Variants in SLC43A1 observed in about 807,000 individuals in gnomAD.
SLC43A1 encodes solute carrier family 43 member 1, also known as large neutral amino acids transporter small subunit 3.
Under a neutral mutation model 59.5 loss-of-function variants are expected in SLC43A1, and 31 were observed. The ratio of observed to expected loss-of-function variants is 0.52; its 90% CI spans 0.39 to 0.70. The LOEUF (loss-of-function observed/expected upper bound fraction) is 0.70, where lower values mean the gene tolerates loss of function less well. Ranked by LOEUF, SLC43A1 falls within the 30% of genes least tolerant of loss-of-function variation. SLC43A1 has a pLI of 0.00. For synonymous variants in SLC43A1, 259 were observed against 290.9 expected (o/e 0.89, Z 1.12); for missense variants, 598 against 717.8 (o/e 0.83, Z 1.91).
chr11:57,506,984 C>T (rs1944409247), intron 2 of SLC43A1, among the ~76,000 whole-genome samples: 1 of 152,200 alleles, frequency 6.6e-6, no homozygotes, highest in Non-Finnish European at 1.5e-5. Context: ...ATAGGTAGGT[C>T]AGAGGATGTG....
chr11:57,500,714 C>T (rs1944237368), intron 5 of SLC43A1, 65 bp downstream of exon 5: 3 of 1,435,040 alleles, frequency 2.1e-6, no homozygotes, highest in Non-Finnish European at 2.9e-6. Context: ...TGCCCTCACC[C>T]CACTCACTCT....
chr11:57,491,995 G>C, intron 8 of SLC43A1, 133 bp from the exon 9 acceptor site: 1 of 881,624 alleles, frequency 1.1e-6, no homozygotes. Flanking sequence ...CTTCAAAGAC[G>C]GGAAAGTTCA....
Position 57,494,179 on chromosome 11 carries a change from C to T in SLC43A1, c.693-8G>A, listed in dbSNP as rs772981420. The T allele has an allele frequency of 1.9e-6, 3 of 1,606,694 alleles. No homozygotes were observed. The highest frequency in any genetic ancestry group is 2.2e-5 in the South Asian group (2 of 90,022). ...CTCAGCTTGATCTTCTTCCTGCAGG[C>T]AGCCAGGCCAGAGTGTAGAGGAACC... On this transcript the variant is annotated splice_region_variant and splice_polypyrimidine_tract_variant and intron_variant, in intron 7 of 14. Transcript: ENST00000278426.
chr11:57,489,123 G>A, intron 12 of SLC43A1, 128 bp downstream of exon 12: 8 of 1,444,688 alleles, frequency 5.5e-6, no homozygotes, highest in Non-Finnish European at 7.7e-6. Context: ...AACACTTCCT[G>A]GAGAACCCGG....
chr11:57,504,192 G>A (rs1002039184), intron 2 of SLC43A1, among the ~76,000 whole-genome samples: 7 of 152,072 alleles, frequency 4.6e-5, no homozygotes, highest in African/African-American at 7.2e-5. Flanking sequence ...GCAAGACTCC[G>A]TCTCAAAAAA....
Position 57,500,778 on chromosome 11 carries a change from C to A in SLC43A1, c.465+1G>T. The A allele has an allele frequency of 6.2e-7, 1 of 1,614,100 alleles. No homozygotes were observed. The highest frequency in any genetic ancestry group is 8.5e-7 in the Non-Finnish European group (1 of 1,179,928). On this transcript the variant is annotated splice_donor_variant, in intron 5 of 14. Transcript: ENST00000278426. LOFTEE classifies it high-confidence loss of function. ...TGCCAGGCCAGGCCTGTGACACTCA[C>A]CGTGAGTGAAGTGAACGTTAGGCAG...
intron 5 of SLC43A1, among the ~76,000 whole-genome samples, chr11:57,500,268 A>C (rs1050483365): frequency 2.6e-5 from 4 of 152,198 alleles, no homozygotes; most frequent in African/African-American, 9.7e-5. Context: ...CATGGCTTTC[A>C]CAGGGACGGG....
In SLC43A1 at chr11:57,497,812, A is replaced by ACGT; in HGVS notation, c.496_498dup (p.Thr166dup). On this transcript the variant is annotated inframe_insertion, in exon 6 of 15. Coordinates refer to ENST00000278426, the MANE Select transcript of SLC43A1 (RefSeq NM_003627.6). ...TAAGAGCCAATCATGAGGGCCATTAACGTGGAGCGCAGGTTCCCAAACATG... is the reference window on the plus strand; with the variant it reads ...TAAGAGCCAATCATGAGGGCCATTAACGTCGTGGAGCGCAGGTTCCCAAACATG... 6.2e-7 allele frequency: 1 copy of ACGT among 1,613,756 alleles called. No homozygotes were observed. Among genetic ancestry groups the ACGT allele is most frequent in the Non-Finnish European group, 8.5e-7 (1 of 1,179,936 alleles).
chr11:57,509,701 G>A (rs1386730148), intron 2 of SLC43A1, among the ~76,000 whole-genome samples: 3 of 127,752 alleles, frequency 2.3e-5, no homozygotes, highest in Admixed American at 1.5e-4. Flanking sequence ...AGGGAGGGAG[G>A]GAGAGAGGGA....
At chr11:57,500,657 G>T in intron 5 of SLC43A1, 122 bp downstream of exon 5, 1 of 810,880 alleles carries the variant, frequency 1.2e-6, no homozygotes, top group Non-Finnish European at 2.1e-6. Flanking sequence ...ACACTCACTT[G>T]ATCTAGTGAT....
Position 57,492,260 on chromosome 11 carries a change from A to T in SLC43A1, c.872-398T>A, listed in dbSNP as rs1943929728. Among the ~76,000 whole-genome samples, 2 of 141,932 alleles carry T rather than the reference A, an allele frequency of 1.4e-5. 1 individual carries two copies. Among genetic ancestry groups the T allele is most frequent in the South Asian group, 4.3e-4 (2 of 4,654 alleles). The allele number at this position is 141,932 out of a possible 152,430, so 93.1% of individuals were successfully genotyped here. A position where few individuals can be genotyped will look rare whatever the true frequency, so the allele number is the denominator to read the frequency against. On this transcript the variant is annotated intron_variant, in intron 8 of 14. Transcript: ENST00000278426. ...ATATACAGAAATTATATATATATTT[A>T]TATATATAAATATACATATATATAA... is the stretch of plus-strand genomic sequence containing the variant.
intron 10 of SLC43A1, 79 bp from the exon 11 acceptor site, chr11:57,491,441 G>A: frequency 6.4e-7 from 1 of 1,556,782 alleles, no homozygotes. Flanking sequence ...GGAGGCCAGA[G>A]AGCACCAAAA....
intron 2 of SLC43A1, among the ~76,000 whole-genome samples, chr11:57,511,911 A>T (rs2135229909): frequency 6.6e-6 from 1 of 152,220 alleles, no homozygotes; most frequent in South Asian, 2.1e-4. Context: ...TTGGGGGCAG[A>T]GGTGGGGGTG....
chr11:57,486,623 C>T (rs1943736360), intron 14 of SLC43A1, among the ~76,000 whole-genome samples: 1 of 150,504 alleles, frequency 6.6e-6, no homozygotes. Flanking sequence ...CATGGTGAAA[C>T]CCCGTCTCTA....
intron 2 of SLC43A1, among the ~76,000 whole-genome samples, chr11:57,511,144 C>T (rs1443684862): frequency 1.3e-5 from 2 of 152,096 alleles, no homozygotes; most frequent in African/African-American, 4.8e-5. Flanking sequence ...TTTACAAGGG[C>T]TAGGCGGGGT....
At position 57,491,394 on chromosome 11, in the gene SLC43A1, G is replaced by T. The variant is rs765099626; in HGVS notation, c.1055-32C>A. ...AGGATGGGAAGGGCAGTGGGGTCAG[G>T]AACTGGCACTCAGTGGACACTATCA... On this transcript the variant is annotated intron_variant, in intron 10 of 14. Transcript: ENST00000278426. 3.0e-5 allele frequency: 47 copies of T among 1,570,204 alleles called. No individual in the cohort carries two copies. The South Asian group carries it at 5.6e-4, about 19-fold the overall frequency.
chr11:57,509,628 AG>A (rs1944477277), intron 2 of SLC43A1, among the ~76,000 whole-genome samples: 1 of 130,712 alleles, frequency 7.7e-6, no homozygotes, highest in African/African-American at 2.8e-5. Context: ...GAAGGAAGGA[AG>A]GAAGGAAGGA....
chr11:57,498,107 C>A (rs544985602), intron 5 of SLC43A1, among the ~76,000 whole-genome samples: 2 of 152,126 alleles, frequency 1.3e-5, no homozygotes, highest in African/African-American at 4.8e-5. Context: ...AAGTTTGTTA[C>A]GTAACACCTC....
Position 57,500,830 on chromosome 11 carries a change from C to T in SLC43A1, c.414G>A (p.Ala138=), listed in dbSNP as rs200050398. ...TGCCACCAAAGCCATTCAGGGACAGCGCCAGGAATATCAACGGAGACAGAG... is the reference window on the plus strand; with the variant it reads ...TGCCACCAAAGCCATTCAGGGACAGTGCCAGGAATATCAACGGAGACAGAG... ...VEALSPLIFL[A]LSLNGFGGIC... Residue 138 remains alanine (A), a synonymous_variant, in exon 5 of 15, where the codon GCG becomes GCA. Coordinates refer to ENST00000278426, the MANE Select transcript of SLC43A1 (RefSeq NM_003627.6). The T allele has an allele frequency of 4.0e-5, 64 of 1,614,042 alleles. No individual in the cohort carries two copies. Among genetic ancestry groups the T allele is most frequent in the Non-Finnish European group, 5.3e-5 (62 of 1,180,034 alleles).
Sources: gnomAD v4.1 joint callset for allele counts (sites outside exome capture counted in the v4.1 genomes callset) on GRCh38, gnomAD v4.1.1 for gene constraint, MANE v1.5 for transcripts, NCBI Gene and HGNC (gene_info 2026-07-23, HGNC 2026-07-21) for gene names.